The following MCPH1 variants were observed in gnomAD, a reference collection of about 807,000 sequenced individuals.
The protein encoded by MCPH1 is microcephalin 1, also known as microcephalin.
MCPH1 carries 104 observed loss-of-function variants against 84.5 expected under a neutral mutation model. The ratio of observed to expected loss-of-function variants is 1.23; its 90% CI spans 1.05 to 1.45. The LOEUF (loss-of-function observed/expected upper bound fraction) is 1.45. Ranked by LOEUF, MCPH1 falls within the 40% of genes most tolerant of loss-of-function variation. The probability of loss-of-function intolerance (pLI) is 0.00; values close to 1 mark genes in which losing one functional copy is unlikely to be tolerated. For synonymous variants in MCPH1, 514 were observed against 366.8 expected (o/e 1.40, Z -4.58); for missense variants, 1,498 against 1,005.7 (o/e 1.49, Z -6.62).
At chr8:6,609,831 C>CAT (rs1244715170) in intron 12 of MCPH1, among the ~76,000 whole-genome samples, 1 of 144,634 alleles carries the variant, frequency 6.9e-6, no homozygotes, top group African/African-American at 2.5e-5. Context: ...CCCCCCCCCA[C>CAT]ACACAGACTG....
intron 12 of MCPH1, among the ~76,000 whole-genome samples, chr8:6,521,652 A>G (rs1386438111): frequency 6.6e-6 from 1 of 152,212 alleles, no homozygotes; most frequent in Admixed American, 6.5e-5. Context: ...GCATACACAC[A>G]AGAAAAGGTA....
In MCPH1 at chr8:6,645,830, T is replaced by C. The variant is rs1469979038; in HGVS notation, c.*2781T>C. On this transcript the variant is annotated 3_prime_UTR_variant, in exon 14 of 14. Coordinates refer to ENST00000344683, the MANE Select transcript of MCPH1 (RefSeq NM_024596.5). ...AATAGACTTGGCAACAGTTGTAACA[T>C]CTGTATACTGAAACCTGTAAAACAT... is the stretch of plus-strand genomic sequence containing the variant. The C allele has an allele frequency of 6.6e-6, 1 of 152,162 alleles. No individual in the cohort carries two copies. The highest frequency in any genetic ancestry group is 1.5e-5 in the Non-Finnish European group (1 of 68,022). The allele number at this position is 152,162 out of a possible 1,614,324, so 9.4% of individuals were successfully genotyped here.
At chr8:6,587,673 G>A (rs1420388484) in intron 12 of MCPH1, among the ~76,000 whole-genome samples, 1 of 152,184 alleles carries the variant, frequency 6.6e-6, no homozygotes, top group Non-Finnish European at 1.5e-5. Flanking sequence ...AAAAGTTCCT[G>A]ATGATAAGGT....
At chr8:6,426,413 A>G (rs759655788) in intron 3 of MCPH1, among the ~76,000 whole-genome samples, 4 of 152,156 alleles carry the variant, frequency 2.6e-5, no homozygotes, top group Non-Finnish European at 4.4e-5. Flanking sequence ...AGTGTCACCA[A>G]TTCTGGGGCT....
chr8:6,505,332 TA>T (rs1813243942), intron 12 of MCPH1, among the ~76,000 whole-genome samples: 2 of 56,962 alleles, frequency 3.5e-5, no homozygotes, highest in African/African-American at 2.2e-4. Flanking sequence ...TATATACATA[TA>T]GAAAGAATAT....
Position 6,640,097 on chromosome 8 carries a change from T to TGTGTGCGC in MCPH1, c.2453-2896_2453-2895insTGTGCGCG, listed in dbSNP as rs1242280817. Among the ~76,000 whole-genome samples, 6 of 131,490 alleles carry TGTGTGCGC rather than the reference T, an allele frequency of 4.6e-5. No homozygotes were observed. In the East Asian group the frequency reaches 1.2e-3, roughly 27 times the overall value. The allele number at this position is 131,490 out of a possible 152,430, so 86.3% of individuals were successfully genotyped here. The stretch of plus-strand genomic sequence containing the variant: ...GTGTGTGTGTGTGTGTGTGTGTGTG[T>TGTGTGCGC]GCGCGCGCGTGTGTGTGTGTGTGCG... On this transcript the variant is annotated intron_variant, in intron 13 of 13. Coordinates refer to ENST00000344683, the MANE Select transcript of MCPH1 (RefSeq NM_024596.5).
At chr8:6,513,866 T>G in intron 12 of MCPH1, 3 of 1,581,546 alleles carry the variant, frequency 1.9e-6, no homozygotes, top group Non-Finnish European at 2.6e-6. Context: ...GTTGTTAAAT[T>G]CAATTATTTC....
chr8:6,477,580 T>A lies in MCPH1; in HGVS notation c.1936-14T>A. 1 of 1,611,504 alleles carries A rather than the reference T, an allele frequency of 6.2e-7. No individual in the cohort carries two copies. The highest frequency in any genetic ancestry group is 8.5e-7 in the Non-Finnish European group (1 of 1,178,268). ...TTTGACTGTTTTTTGTTCCTTCTTG[T>A]TTGAAATCTCTAGCCAACAAGAACA... is the stretch of plus-strand genomic sequence containing the variant. On this transcript the variant is annotated splice_polypyrimidine_tract_variant and intron_variant, in intron 9 of 13. Coordinates refer to ENST00000344683, the MANE Select transcript of MCPH1 (RefSeq NM_024596.5).
rs182529611 is a variant in MCPH1, at chr8:6,640,034, C to T, written c.2453-2960C>T. On this transcript the variant is annotated intron_variant, in intron 13 of 13. Transcript: ENST00000344683. ...GACTACAGGCATGAACCCTGCAATA[C>T]GGCTGGCTTCTGCTATTTTAAACTC... Among the ~76,000 whole-genome samples the T allele has an allele frequency of 1.9e-3, 282 of 148,528 alleles. 2 individuals are homozygous for T. The highest frequency in any genetic ancestry group is 0.017 in the South Asian group (78 of 4,686).
intron 12 of MCPH1, among the ~76,000 whole-genome samples, chr8:6,515,571 G>A (rs1292042239): frequency 6.6e-6 from 1 of 152,180 alleles, no homozygotes; most frequent in Admixed American, 6.5e-5. Flanking sequence ...CTAAGCGCAT[G>A]CATGCTCAAT....
chr8:6,418,232 C>G (rs7003911), intron 3 of MCPH1, among the ~76,000 whole-genome samples: 2 of 151,976 alleles, frequency 1.3e-5, no homozygotes, highest in Admixed American at 6.5e-5. Flanking sequence ...TGCTTGAGTG[C>G]TTGCTGCGCC....
intron 12 of MCPH1, chr8:6,532,636 T>C (rs1819744548): frequency 1.5e-6 from 1 of 649,740 alleles, no homozygotes; most frequent in Non-Finnish European, 2.3e-6. Context: ...GGAATCTTAC[T>C]ATTTTTTTTT....
intron 1 of MCPH1, among the ~76,000 whole-genome samples, chr8:6,408,009 G>A (rs1204295549): frequency 6.6e-6 from 1 of 152,210 alleles, no homozygotes; most frequent in Non-Finnish European, 1.5e-5. Flanking sequence ...CAACCGTGAA[G>A]TTGAGTAGTT....
intron 13 of MCPH1, among the ~76,000 whole-genome samples, chr8:6,627,740 T>C (rs1796853394): frequency 6.6e-6 from 1 of 151,776 alleles, no homozygotes; most frequent in Non-Finnish European, 1.5e-5. Flanking sequence ...AAAAGTACAA[T>C]AATTAGCGGG....
intron 12 of MCPH1, among the ~76,000 whole-genome samples, chr8:6,586,100 G>A (rs1186513710): frequency 1.3e-5 from 2 of 152,126 alleles, no homozygotes; most frequent in Admixed American, 6.6e-5. Flanking sequence ...AGCTAGGACT[G>A]CAAGCATGTG....
At chr8:6,626,479 T>G (rs538334567) in intron 13 of MCPH1, 318 of 969,190 alleles carry the variant, frequency 3.3e-4, no homozygotes, top group Middle Eastern at 5.3e-4. Flanking sequence ...GTTTTGTTTT[T>G]TTTTTTTTTT....
intron 12 of MCPH1, among the ~76,000 whole-genome samples, chr8:6,602,026 A>G (rs1259130695): frequency 6.6e-6 from 1 of 152,240 alleles, no homozygotes; most frequent in Non-Finnish European, 1.5e-5. Context: ...GCAGGCTCTG[A>G]AGAATTTTTT....
intron 3 of MCPH1, among the ~76,000 whole-genome samples, chr8:6,422,502 G>C (rs951106288): frequency 6.6e-6 from 1 of 152,150 alleles, no homozygotes; most frequent in Admixed American, 6.5e-5. Context: ...CTACAATGGG[G>C]ATGGTCACTG....
intron 12 of MCPH1, chr8:6,617,004 G>T (rs1399667471): frequency 6.6e-6 from 1 of 152,128 alleles, no homozygotes; most frequent in Non-Finnish European, 1.5e-5. Flanking sequence ...AGCTTCATAA[G>T]TTGTAAATAG....
Sources: allele counts gnomAD v4.1 joint callset (sites outside exome capture counted in the v4.1 genomes callset), GRCh38; gene constraint gnomAD v4.1.1; transcripts MANE v1.5; gene names NCBI Gene and HGNC (gene_info 2026-07-23, HGNC 2026-07-21).